The following TMEM117 variants were observed in gnomAD, a reference collection of about 807,000 sequenced individuals.
The protein encoded by TMEM117 is transmembrane protein 117.
Under a neutral mutation model 52.4 loss-of-function variants are expected in TMEM117, and 27 were observed. The observed-to-expected ratio is 0.51, with a 90% CI of 0.38 to 0.71. The LOEUF is 0.71. Among genes scored for constraint, TMEM117 ranks in the 30% least tolerant of loss-of-function variants. TMEM117 has a pLI of 0.00. For synonymous variants in TMEM117, 215 were observed against 206.3 expected (o/e 1.04, Z -0.36); for missense variants, 556 against 630.5 (o/e 0.88, Z 1.26).
At chr12:43,927,911 A>G (rs1651694651) in intron 2 of TMEM117, among the ~76,000 whole-genome samples, 1 of 151,936 alleles carries the variant, frequency 6.6e-6, no homozygotes, top group East Asian at 1.9e-4. Flanking sequence ...TTGAATTTAT[A>G]TTAGGACTTG....
At chr12:44,186,201 T>C (rs1949276065) in intron 4 of TMEM117, among the ~76,000 whole-genome samples, 1 of 152,200 alleles carries the variant, frequency 6.6e-6, no homozygotes, top group East Asian at 1.9e-4. Context: ...GATTTTGACA[T>C]CTGCTCTTAA....
At chr12:44,127,092 T>C (rs1367061352) in intron 3 of TMEM117, among the ~76,000 whole-genome samples, 1 of 152,234 alleles carries the variant, frequency 6.6e-6, no homozygotes, top group Admixed American at 6.5e-5. Flanking sequence ...AGAAGCACCA[T>C]TTCTACTTGA....
At chr12:43,816,822 A>G in the TMEM117 span, among the ~76,000 whole-genome samples, 1 of 152,236 alleles carries the variant, frequency 6.6e-6, no homozygotes, top group Admixed American at 6.5e-5. Context: ...GACCCAAACT[A>G]TAATATGATG....
At chr12:43,955,218 C>T (rs979520740) in intron 3 of TMEM117, among the ~76,000 whole-genome samples, 1 of 152,156 alleles carries the variant, frequency 6.6e-6, no homozygotes, top group Non-Finnish European at 1.5e-5. Context: ...AGGCATTGCA[C>T]TTGAAAACTG....
intron 2 of TMEM117, among the ~76,000 whole-genome samples, chr12:43,910,691 T>C (rs1325776677): frequency 7.3e-6 from 1 of 137,646 alleles, no homozygotes; most frequent in African/African-American, 2.7e-5. Flanking sequence ...AGCATTCTTA[T>C]ACACCAACAA....
chr12:44,009,915 C>T, intron 3 of TMEM117: 1 of 271,778 alleles, frequency 3.7e-6, no homozygotes, highest in Non-Finnish European at 7.7e-6. Context: ...TGGCCTCAAT[C>T]ACTGATAGCA....
intron 5 of TMEM117, among the ~76,000 whole-genome samples, chr12:44,234,205 CAATG>C (rs977118450): frequency 2.4e-4 from 37 of 151,424 alleles, no homozygotes; most frequent in African/African-American, 8.7e-4. Context: ...TGGTATAACT[CAATG>C]AAGGCATTTG....
chr12:44,078,667 A>G (rs1160581246), intron 3 of TMEM117, among the ~76,000 whole-genome samples: 1 of 152,032 alleles, frequency 6.6e-6, no homozygotes, highest in Non-Finnish European at 1.5e-5. Context: ...AATTGTGTAA[A>G]ATTCTTAGGT....
rs545267193 is a variant in TMEM117, at chr12:44,376,332, T to G, written c.769-263T>G. 8.4e-6 allele frequency: 4 copies of G among 473,776 alleles called. No individual in the cohort carries two copies. In the East Asian group the frequency reaches 1.3e-4, roughly 16 times the overall value. The allele number at this position is 473,776 out of a possible 1,614,324, so 29.3% of individuals were successfully genotyped here. A position where few individuals can be genotyped will look rare whatever the true frequency, so the allele number is the denominator to read the frequency against. ...AATGAAAGAGATAAACATGTGTAGA[T>G]GCAAATCAATTCTGTATTGGTTTCT... is the stretch of plus-strand genomic sequence containing the variant. On this transcript the variant is annotated intron_variant, in intron 6 of 7. Coordinates refer to ENST00000266534, the MANE Select transcript of TMEM117 (RefSeq NM_032256.3).
At chr12:44,115,038 G>A (rs1948114167) in intron 3 of TMEM117, among the ~76,000 whole-genome samples, 1 of 152,104 alleles carries the variant, frequency 6.6e-6, no homozygotes, top group Non-Finnish European at 1.5e-5. Flanking sequence ...ATCTTTAAGA[G>A]CTGTATACAT....
chr12:44,108,317 C>T lies in TMEM117; in HGVS notation c.411-35208C>T, dbSNP rs1288630212. 8.1e-4 allele frequency among the ~76,000 whole-genome samples: 111 copies of T among 136,536 alleles called. 1 individual carries two copies. Among genetic ancestry groups the T allele is most frequent in the African/African-American group, 2.9e-3 (103 of 35,866 alleles). The allele number at this position is 136,536 out of a possible 152,430, so 89.6% of individuals were successfully genotyped here. On this transcript the variant is annotated intron_variant, in intron 3 of 7. Transcript: ENST00000266534. Reference sequence around the variant, plus strand: ...TGCGCTGCACCCACTAATGTGTCATCTAGCATTAGGTATATCTCCCAATGC... The same window carrying T: ...TGCGCTGCACCCACTAATGTGTCATTTAGCATTAGGTATATCTCCCAATGC...
chr12:43,849,864 GTCT>G (rs781693906), intron 2 of TMEM117, among the ~76,000 whole-genome samples: 2 of 152,018 alleles, frequency 1.3e-5, no homozygotes, highest in Non-Finnish European at 2.9e-5. Flanking sequence ...CTTTGAACTT[GTCT>G]TCTTCTTCTG....
intron 3 of TMEM117, among the ~76,000 whole-genome samples, chr12:44,007,669 C>T (rs573103941): frequency 6.6e-6 from 1 of 152,202 alleles, no homozygotes; most frequent in Middle Eastern, 3.4e-3. Flanking sequence ...ATTGTAACTC[C>T]TACAATTCCC....
intron 6 of TMEM117, among the ~76,000 whole-genome samples, chr12:44,351,562 A>G (rs932826395): frequency 5.3e-5 from 8 of 151,906 alleles, no homozygotes; most frequent in Admixed American, 1.3e-4. Flanking sequence ...TTCTAGTTTC[A>G]TTCTTCTGCA....
At chr12:43,796,840 G>A in the TMEM117 span, 2 of 908,822 alleles carry the variant, frequency 2.2e-6, no homozygotes, top group African/African-American at 1.7e-5. Flanking sequence ...CAGGCACTTA[G>A]AGGAGATCCT....
chr12:44,280,808 G>A (rs919368633), intron 5 of TMEM117, among the ~76,000 whole-genome samples: 9 of 151,828 alleles, frequency 5.9e-5, no homozygotes, highest in African/African-American at 2.2e-4. Context: ...TAACATTTTC[G>A]GTTAAGGGAA....
intron 3 of TMEM117, among the ~76,000 whole-genome samples, chr12:44,008,298 T>A (rs1046154568): frequency 1.3e-5 from 2 of 152,198 alleles, no homozygotes; most frequent in Admixed American, 1.3e-4. Flanking sequence ...GTTATATATC[T>A]GTCAAACACC....
intron 2 of TMEM117, among the ~76,000 whole-genome samples, chr12:43,924,377 G>T (rs894549118): frequency 2.6e-5 from 4 of 152,022 alleles, no homozygotes; most frequent in African/African-American, 9.7e-5. Flanking sequence ...TGTCAATATA[G>T]ACATCAACAT....
intron 7 of TMEM117, among the ~76,000 whole-genome samples, chr12:44,383,918 T>A (rs1409332861): frequency 6.6e-6 from 1 of 152,204 alleles, no homozygotes; most frequent in Non-Finnish European, 1.5e-5. Flanking sequence ...ATGTTGAGAT[T>A]TTCTGGCCCA....
Sources: allele counts gnomAD v4.1 joint callset (sites outside exome capture counted in the v4.1 genomes callset), GRCh38; gene constraint gnomAD v4.1.1; transcripts MANE v1.5; gene names NCBI Gene and HGNC (gene_info 2026-07-23, HGNC 2026-07-21).